The following SHISA6 variants were observed in gnomAD, a reference collection of about 807,000 sequenced individuals.
SHISA6 encodes the protein protein shisa-6.
SHISA6 carries 22 observed loss-of-function variants against 47.9 expected under a neutral mutation model. The ratio of observed to expected loss-of-function variants is 0.46; its 90% confidence interval spans 0.33 to 0.66. The LOEUF (loss-of-function observed/expected upper bound fraction) is 0.66, where lower values mean the gene tolerates loss of function less well. SHISA6 is among the 30% of genes least tolerant of loss of function. The pLI is 0.02. For synonymous variants in SHISA6, 388 were observed against 337.8 expected (o/e 1.15, Z -1.63); for missense variants, 680 against 764.6 (o/e 0.89, Z 1.30).
intron 2 of SHISA6, among the ~76,000 whole-genome samples, chr17:11,353,175 C>T (rs374009470): frequency 4.4e-4 from 67 of 152,064 alleles, no homozygotes; most frequent in African/African-American, 1.5e-3. Flanking sequence ...AAGGAGAACA[C>T]GGGCCGGGCA....
chr17:11,439,667 TA>T (rs11444200), intron 3 of SHISA6, among the ~76,000 whole-genome samples: 7 of 151,856 alleles, frequency 4.6e-5, no homozygotes, highest in Admixed American at 2.0e-4. Context: ...ATAAAGCAGG[TA>T]AAAAAAATTA....
intron 2 of SHISA6, among the ~76,000 whole-genome samples, chr17:11,357,806 T>A (rs1299936559): frequency 6.6e-6 from 1 of 152,214 alleles, no homozygotes; most frequent in Non-Finnish European, 1.5e-5. Flanking sequence ...TTGGATAGAT[T>A]GCTACAAGTC....
rs757109692 is a variant in SHISA6 at position 11,557,845 on chromosome 17, G to A, written c.1197G>A (p.Met399Ile). ...RGTLPLNVIQMSQQKPLPRER... is the reference protein window; with the variant it reads ...RGTLPLNVIQISQQKPLPRER... ...CCCTCCCCCTCAATGTCATCCAGAT[G>A]TCCCAACAGAAGCCGTTGCCAAGGG... The change falls in exon 6 of 6, where the codon ATG becomes ATA. Residue 399 changes from methionine to isoleucine, a missense_variant. Coordinates refer to ENST00000441885, the MANE Select transcript of SHISA6 (RefSeq NM_207386.4). 1.9e-6 allele frequency: 3 copies of A among 1,551,374 alleles called. No individual in the cohort carries two copies. Among genetic ancestry groups the A allele is most frequent in the Non-Finnish European group, 2.6e-6 (3 of 1,147,002 alleles).
Position 11,551,514 on chromosome 17 carries a change from C to T in SHISA6, c.896-382C>T, listed in dbSNP as rs906959771. On this transcript the variant is annotated intron_variant, in intron 3 of 5. Coordinates refer to ENST00000441885, the MANE Select transcript of SHISA6 (RefSeq NM_207386.4). ...CATTTTGGTTAACCACACCCTAATACCCACCACTCAATGAAATCTGCTTCC... is the reference window on the plus strand; with the variant it reads ...CATTTTGGTTAACCACACCCTAATATCCACCACTCAATGAAATCTGCTTCC... 1.1e-4 allele frequency among the ~76,000 whole-genome samples: 16 copies of T among 152,104 alleles called. 1 individual carries two copies. The highest frequency in any genetic ancestry group is 7.9e-4 in the Admixed American group (12 of 15,264).
At chr17:11,555,667 G>T in intron 4 of SHISA6, 73 bp from the exon 5 acceptor site, 1 of 1,434,050 alleles carries the variant, frequency 7.0e-7, no homozygotes, top group South Asian at 1.5e-5. Context: ...TTCGAATCAG[G>T]GGTGAGGCAG....
intron 2 of SHISA6, among the ~76,000 whole-genome samples, chr17:11,355,730 G>C (rs946843453): frequency 6.6e-6 from 1 of 152,258 alleles, no homozygotes. Context: ...GGATGAGCTT[G>C]AATCCACATC....
chr17:11,305,370 C>G (rs1046175256), intron 2 of SHISA6, among the ~76,000 whole-genome samples: 17 of 152,144 alleles, frequency 1.1e-4, no homozygotes, highest in Admixed American at 7.9e-4. Flanking sequence ...AAATAAATTT[C>G]TGAGATCAAT....
chr17:11,471,210 G>GA (rs10699970), intron 3 of SHISA6, among the ~76,000 whole-genome samples: 41,256 of 97,614 alleles, frequency 0.42, 7,984 homozygotes, highest in Admixed American at 0.48. Context: ...CTCCATCTCA[G>GA]AAAAAAAAAA....
chr17:11,425,268 C>T (rs1386898732), intron 3 of SHISA6, among the ~76,000 whole-genome samples: 1 of 151,518 alleles, frequency 6.6e-6, no homozygotes, highest in Non-Finnish European at 1.5e-5. Context: ...TTGTTTCCAA[C>T]CCTTGTAGAA....
intron 3 of SHISA6, among the ~76,000 whole-genome samples, chr17:11,476,602 G>T (rs1372653111): frequency 6.6e-6 from 1 of 151,628 alleles, no homozygotes; most frequent in African/African-American, 2.4e-5. Flanking sequence ...TTCTGTTATT[G>T]ATTTCAAGTT....
At chr17:11,331,066 C>T (rs1181812920) in intron 2 of SHISA6, among the ~76,000 whole-genome samples, 2 of 152,178 alleles carry the variant, frequency 1.3e-5, no homozygotes, top group Non-Finnish European at 2.9e-5. Flanking sequence ...AGGTGAGAGT[C>T]AGATTCCCCC....
intron 2 of SHISA6, among the ~76,000 whole-genome samples, chr17:11,338,192 T>G (rs1349094774): frequency 1.3e-5 from 2 of 152,156 alleles, no homozygotes; most frequent in South Asian, 2.1e-4. Context: ...GCACACAGAC[T>G]AGATAGGAGT....
intron 2 of SHISA6, among the ~76,000 whole-genome samples, chr17:11,374,973 C>T (rs1297120144): frequency 1.3e-5 from 2 of 152,114 alleles, no homozygotes; most frequent in Non-Finnish European, 2.9e-5. Flanking sequence ...GTCCCTCCAC[C>T]AGTATACTGT....
intron 3 of SHISA6, among the ~76,000 whole-genome samples, chr17:11,435,755 T>C (rs147391242): frequency 6.6e-6 from 1 of 152,162 alleles, no homozygotes; most frequent in African/African-American, 2.4e-5. Flanking sequence ...TTTCATCAAG[T>C]GTATCCATAG....
chr17:11,478,396 T>A, intron 3 of SHISA6, among the ~76,000 whole-genome samples: 2 of 134,570 alleles, frequency 1.5e-5, no homozygotes, highest in Non-Finnish European at 3.2e-5. Flanking sequence ...TGGTAGTTTC[T>A]TTTGCTGTGC....
At chr17:11,397,509 C>T (rs571813789) in intron 3 of SHISA6, among the ~76,000 whole-genome samples, 8 of 151,768 alleles carry the variant, frequency 5.3e-5, no homozygotes, top group African/African-American at 1.9e-4. Context: ...CAACAGATTG[C>T]TCAAGTAGGG....
intron 3 of SHISA6, among the ~76,000 whole-genome samples, chr17:11,433,620 C>T (rs1422069553): frequency 2.0e-5 from 3 of 152,090 alleles, no homozygotes; most frequent in African/African-American, 7.2e-5. Context: ...CCATTTGACC[C>T]AGAAATCCCA....
chr17:11,445,971 G>C (rs898139867), intron 3 of SHISA6, among the ~76,000 whole-genome samples: 6 of 152,194 alleles, frequency 3.9e-5, no homozygotes, highest in Admixed American at 3.9e-4. Context: ...GGGACTATAG[G>C]CAGGTGCCAC....
chr17:11,428,665 A>G (rs1458651148), intron 3 of SHISA6, among the ~76,000 whole-genome samples: 1 of 152,152 alleles, frequency 6.6e-6, no homozygotes, highest in African/African-American at 2.4e-5. Flanking sequence ...TGGGTCAGGA[A>G]TCTGGATATG....
Sources: allele counts gnomAD v4.1 joint callset (sites outside exome capture counted in the v4.1 genomes callset), GRCh38; gene constraint gnomAD v4.1.1; transcripts MANE v1.5; gene names NCBI Gene and HGNC (gene_info 2026-07-23, HGNC 2026-07-21).